TRPM7: variants seen among roughly 807,000 people sequenced by gnomAD.
TRPM7 encodes the protein transient receptor potential cation channel subfamily M member 7.
Under a neutral mutation model 229.7 loss-of-function variants are expected in TRPM7, and 134 were observed. That is an observed-to-expected ratio of 0.58 (90% CI 0.51 to 0.67). TRPM7 has a LOEUF of 0.67. TRPM7 is among the 30% of genes least tolerant of loss of function. The probability of loss-of-function intolerance (pLI) is 0.00; values close to 1 mark genes in which losing one functional copy is unlikely to be tolerated. For missense variants in TRPM7, 1,901 were observed against 2,210.0 expected (o/e 0.86, Z 2.80); for synonymous variants, 699 against 715.2 (o/e 0.98, Z 0.36).
At chr15:50,686,452 A>T in intron 1 of TRPM7, 79 bp downstream of exon 1, 1 of 1,612,058 alleles carries the variant, frequency 6.2e-7, no homozygotes, top group Non-Finnish European at 8.5e-7. Context: ...GGCTCCCCAC[A>T]CACTTGCCTG....
chr15:50,653,860 G>A (rs967243280), intron 3 of TRPM7, among the ~76,000 whole-genome samples: 5 of 152,164 alleles, frequency 3.3e-5, no homozygotes, highest in Non-Finnish European at 5.9e-5. Context: ...CTTGCTGTGT[G>A]TGGGTCTGTG....
intron 3 of TRPM7, among the ~76,000 whole-genome samples, chr15:50,650,449 C>A (rs1055456088): frequency 5.9e-5 from 9 of 151,938 alleles, no homozygotes; most frequent in African/African-American, 2.2e-4. Context: ...AATCCCAGCA[C>A]CTTGGGAAGC....
intron 1 of TRPM7, among the ~76,000 whole-genome samples, chr15:50,666,574 C>T (rs934296392): frequency 7.9e-5 from 12 of 151,966 alleles, no homozygotes; most frequent in African/African-American, 2.2e-4. Context: ...GAGGCTGAGG[C>T]GGGCAGATCA....
At chr15:50,627,976 G>A (rs2060617797) in intron 11 of TRPM7, among the ~76,000 whole-genome samples, 173 bp downstream of exon 11, 1 of 152,144 alleles carries the variant, frequency 6.6e-6, no homozygotes, top group Admixed American at 6.5e-5. Context: ...GTTTTATCTA[G>A]AGGCATACAT....
At chr15:50,652,638 C>A (rs983885698) in intron 3 of TRPM7, among the ~76,000 whole-genome samples, 1 of 122,186 alleles carries the variant, frequency 8.2e-6, no homozygotes, top group Non-Finnish European at 1.8e-5. Flanking sequence ...ATTCTACATA[C>A]GTTCTTCCAA....
intron 3 of TRPM7, 119 bp from the exon 4 acceptor site, chr15:50,649,004 T>C: frequency 1.5e-6 from 1 of 653,806 alleles, no homozygotes; most frequent in Non-Finnish European, 2.3e-6. Context: ...TTTATATAAG[T>C]ATAAAAATAA....
Position 50,631,408 on chromosome 15 carries a change from G to C in TRPM7, c.1204+9C>G, listed in dbSNP as rs2060727104. On this transcript the variant is annotated intron_variant, in intron 10 of 38. Transcript: ENST00000646667. ...GGTCTTACAAATAAAAAAGTTCTTAGAGGCTTACCTTTTAGCAGTGCAGTA... is the reference window on the plus strand; with the variant it reads ...GGTCTTACAAATAAAAAAGTTCTTACAGGCTTACCTTTTAGCAGTGCAGTA... 1 of 1,589,928 alleles carries C rather than the reference G, an allele frequency of 6.3e-7. No homozygotes were observed. The highest frequency in any genetic ancestry group is 8.6e-7 in the Non-Finnish European group (1 of 1,163,670).
chr15:50,587,901 A>G, intron 27 of TRPM7, among the ~76,000 whole-genome samples: 1 of 152,142 alleles, frequency 6.6e-6, no homozygotes, highest in Non-Finnish European at 1.5e-5. Flanking sequence ...ATAATTATAA[A>G]ACCAATTTGG....
chr15:50,624,083 C>A lies in TRPM7; in HGVS notation c.1440+83G>T, dbSNP rs1222289290. The A allele has an allele frequency of 2.9e-6, 4 of 1,367,136 alleles. No homozygotes were observed. In the East Asian group the frequency reaches 9.5e-5, roughly 32 times the overall value. 84.7% of individuals were successfully genotyped at this position (1,367,136 alleles called of 1,614,324 possible). ...CTAAGGAAGACATTAAGGGTTTTATCAATAGGAATGGCTATATTCAGGTAA... is the reference window on the plus strand; with the variant it reads ...CTAAGGAAGACATTAAGGGTTTTATAAATAGGAATGGCTATATTCAGGTAA... On this transcript the variant is annotated intron_variant, in intron 12 of 38. Coordinates refer to ENST00000646667, the MANE Select transcript of TRPM7 (RefSeq NM_017672.6).
chr15:50,567,115 C>T (rs2053634045), intron 38 of TRPM7, among the ~76,000 whole-genome samples: 1 of 151,794 alleles, frequency 6.6e-6, no homozygotes, highest in Non-Finnish European at 1.5e-5. Flanking sequence ...TGATAATCAA[C>T]AGTCCTATCT....
At chr15:50,563,020 A>G (rs975619537) in intron 38 of TRPM7, among the ~76,000 whole-genome samples, 1 of 152,204 alleles carries the variant, frequency 6.6e-6, no homozygotes, top group Non-Finnish European at 1.5e-5. Context: ...GCGAATGGTA[A>G]GAAGACAGTG....
intron 31 of TRPM7, 50 bp downstream of exon 31, chr15:50,578,589 T>C (rs544872626): frequency 1.9e-6 from 3 of 1,566,076 alleles, no homozygotes; most frequent in South Asian, 1.1e-5. Flanking sequence ...CTGTAACAGA[T>C]CATGTAAGAT....
intron 1 of TRPM7, among the ~76,000 whole-genome samples, chr15:50,679,501 G>GTA (rs1318228359): frequency 4.7e-4 from 40 of 84,634 alleles, no homozygotes; most frequent in South Asian, 2.4e-3. Flanking sequence ...ATATATATGT[G>GTA]TATATATATA....
rs1371823303 is a variant in TRPM7, at chr15:50,612,684, C to T, written c.1916G>A (p.Arg639His). Residue 639 changes from arginine (R) to histidine (H), a missense_variant, in exon 16 of 39, where the codon CGT becomes CAT. Physicochemically the swap from Arg to His is conservative, Grantham distance 29 (BLOSUM62 0). This residue lies in a region of TRPM7 where 794 missense variants were observed against 881.9 expected (regional missense o/e 0.90). Transcript: ENST00000646667. ...TTCTTCACCATGTTGCCATAAAAAA[C>T]GGGCCATGACCTGCCTCTTCATAAG... The part of the protein sequence containing the change: ...ACLMKRQVMA[R>H]FLWQHGEESM... 3.7e-6 allele frequency: 6 copies of T among 1,614,004 alleles called. No homozygotes were observed. The highest frequency in any genetic ancestry group is 4.2e-6 in the Non-Finnish European group (5 of 1,180,018).
At chr15:50,567,452 G>A (rs974710816) in intron 38 of TRPM7, among the ~76,000 whole-genome samples, 8 of 151,922 alleles carry the variant, frequency 5.3e-5, no homozygotes, top group East Asian at 3.9e-4. Context: ...ATCTATTCCC[G>A]AAAATAAAAC....
At chr15:50,627,237 A>G (rs1020461792) in intron 11 of TRPM7, among the ~76,000 whole-genome samples, 4 of 152,190 alleles carry the variant, frequency 2.6e-5, no homozygotes, top group African/African-American at 9.6e-5. Flanking sequence ...AACAATAAAT[A>G]ATAGCTACAT....
intron 4 of TRPM7, among the ~76,000 whole-genome samples, chr15:50,645,789 G>C (rs1445550991): frequency 6.6e-6 from 1 of 152,142 alleles, no homozygotes; most frequent in Non-Finnish European, 1.5e-5. Flanking sequence ...TGATGGGCTA[G>C]GTTGATTTGG....
At chr15:50,644,940 T>C (rs185941001) in intron 4 of TRPM7, among the ~76,000 whole-genome samples, 1 of 152,040 alleles carries the variant, frequency 6.6e-6, no homozygotes, top group Non-Finnish European at 1.5e-5. Flanking sequence ...CAGGCTCTGT[T>C]GCCCAGGCTG....
At chr15:50,653,403 A>C (rs1050618452) in intron 3 of TRPM7, among the ~76,000 whole-genome samples, 4 of 152,250 alleles carry the variant, frequency 2.6e-5, no homozygotes, top group African/African-American at 9.6e-5. Context: ...ATTAAATCTT[A>C]TCAAGAGTAC....
Sources: allele counts gnomAD v4.1 joint callset (sites outside exome capture counted in the v4.1 genomes callset), GRCh38; gene constraint gnomAD v4.1.1; regional missense constraint gnomAD v4.1.1; transcripts MANE v1.5; gene names NCBI Gene and HGNC (gene_info 2026-07-23, HGNC 2026-07-21).